Variants in CEP112 observed in about 807,000 individuals in gnomAD.
The protein encoded by CEP112 is centrosomal protein of 112 kDa.
CEP112 carries 127 observed loss-of-function variants against 153.0 expected under a neutral mutation model. The ratio of observed to expected loss-of-function variants is 0.83; its 90% CI spans 0.72 to 0.96. The LOEUF (loss-of-function observed/expected upper bound fraction) is 0.96, where lower values mean the gene tolerates loss of function less well. Among genes scored for constraint, CEP112 ranks in the 40% least tolerant of loss-of-function variants. The pLI is 0.00. For missense variants in CEP112, 1,089 were observed against 1,101.2 expected (o/e 0.99, Z 0.16); for synonymous variants, 358 against 374.4 (o/e 0.96, Z 0.51).
At chr17:66,162,521 T>C (rs978044944) in intron 4 of CEP112, among the ~76,000 whole-genome samples, 3 of 152,162 alleles carry the variant, frequency 2.0e-5, no homozygotes, top group African/African-American at 7.2e-5. Context: ...ACTTGTAATG[T>C]CAAAAACCAA....
Position 65,916,551 on chromosome 17 carries a change from T to C in CEP112, c.1980+11031A>G, listed in dbSNP as rs1018234208. 1.8e-4 allele frequency among the ~76,000 whole-genome samples: 28 copies of C among 152,044 alleles called. 1 individual carries two copies. Among genetic ancestry groups the C allele is most frequent in the Admixed American group, 1.7e-3 (26 of 15,264 alleles). On this transcript the variant is annotated intron_variant, in intron 19 of 26. Coordinates refer to ENST00000535342, the MANE Select transcript of CEP112 (RefSeq NM_001199165.4). ...AGGAAAACAGCTTCTTTTTTTTTTTTTGAAATGGGTGGGTGGGGTCTTGCT... is the reference window on the plus strand; with the variant it reads ...AGGAAAACAGCTTCTTTTTTTTTTTCTGAAATGGGTGGGTGGGGTCTTGCT...
chr17:65,660,177 C>CTCCT (rs71158401), intron 24 of CEP112, among the ~76,000 whole-genome samples: 11,867 of 139,362 alleles, frequency 0.085, 803 homozygotes, highest in African/African-American at 0.18. Context: ...ACCTTGATTT[C>CTCCT]TCCTTCCTTC....
chr17:65,700,494 T>C (rs991776760), intron 23 of CEP112, among the ~76,000 whole-genome samples: 1 of 152,074 alleles, frequency 6.6e-6, no homozygotes, highest in African/African-American at 2.4e-5. Flanking sequence ...AGAGTGGTCC[T>C]GGGGAGTGAA....
intron 17 of CEP112, among the ~76,000 whole-genome samples, chr17:65,970,362 T>TATTACATGCACACATCATGCATATAA (rs2062647756): frequency 7.4e-6 from 1 of 134,956 alleles, no homozygotes; most frequent in Admixed American, 7.2e-5. Context: ...TATGTGCCTA[T>TATTACATGCACACATCATGCATATAA]ATTACATGCA....
rs575306268 is a variant in CEP112, at chr17:66,053,877, A to C, written c.1077T>G (p.Leu359=). ...GTTCCATTTCTGCTACAGCATTGTG[A>C]AGCTACATCAGGAAATCAAGAGTTG... ...ESLNNDWEKK[L]HNAVAEMEQE... The change falls in exon 12 of 27, where the codon CTT becomes CTG. Residue 359 remains leucine, a splice_region_variant and synonymous_variant. Transcript: ENST00000535342. The C allele has an allele frequency of 5.6e-6, 9 of 1,610,426 alleles. No individual in the cohort carries two copies. The highest frequency in any genetic ancestry group is 7.6e-6 in the Non-Finnish European group (9 of 1,178,088).
intron 20 of CEP112, among the ~76,000 whole-genome samples, chr17:65,858,483 C>T (rs182484783): frequency 2.7e-4 from 41 of 152,036 alleles, no homozygotes; most frequent in Admixed American, 5.9e-4. Context: ...TGGCATAATG[C>T]TTTTTTAATA....
At chr17:66,057,218 A>G (rs1159316848) in intron 11 of CEP112, among the ~76,000 whole-genome samples, 1 of 152,216 alleles carries the variant, frequency 6.6e-6, no homozygotes, top group African/African-American at 2.4e-5. Context: ...TCTAGGCAAG[A>G]GACAGGGGTC....
chr17:65,938,997 A>T (rs2061432802), intron 18 of CEP112, among the ~76,000 whole-genome samples: 1 of 151,978 alleles, frequency 6.6e-6, no homozygotes, highest in Non-Finnish European at 1.5e-5. Context: ...TTTTTTGTAG[A>T]GATGGGGTTT....
intron 24 of CEP112, among the ~76,000 whole-genome samples, chr17:65,655,642 T>C (rs2046027175): frequency 6.6e-6 from 1 of 152,326 alleles, no homozygotes; most frequent in Admixed American, 6.5e-5. Flanking sequence ...TTTCTTTTGT[T>C]ATATAAACTG....
chr17:66,096,231 C>T lies in CEP112; in HGVS notation c.768+20G>A. On this transcript the variant is annotated intron_variant, in intron 8 of 26. Transcript: ENST00000535342. ...AAAACTGTATTATCAATGGGTTTATCAGCAATATCTCATTCCTACCTCTTT... is the reference window on the plus strand; with the variant it reads ...AAAACTGTATTATCAATGGGTTTATTAGCAATATCTCATTCCTACCTCTTT... 5 of 1,541,486 alleles carry T rather than the reference C, an allele frequency of 3.2e-6. No individual in the cohort carries two copies. The highest frequency in any genetic ancestry group is 4.5e-6 in the Non-Finnish European group (5 of 1,119,830).
At chr17:66,140,196 A>G (rs1477320927) in intron 4 of CEP112, among the ~76,000 whole-genome samples, 1 of 152,232 alleles carries the variant, frequency 6.6e-6, no homozygotes, top group East Asian at 1.9e-4. Context: ...ATTTGGATCG[A>G]TGCAGAAAGA....
At chr17:66,000,646 A>T (rs2063998896) in intron 17 of CEP112, among the ~76,000 whole-genome samples, 1 of 152,084 alleles carries the variant, frequency 6.6e-6, no homozygotes, top group Non-Finnish European at 1.5e-5. Context: ...GCCCACTCTC[A>T]CCGTGGTGCT....
At chr17:66,124,658 G>A (rs2069759607) in intron 6 of CEP112, among the ~76,000 whole-genome samples, 1 of 152,206 alleles carries the variant, frequency 6.6e-6, no homozygotes, top group African/African-American at 2.4e-5. Flanking sequence ...ATCCATGCCT[G>A]CTACACAATC....
At chr17:65,741,017 G>T (rs931790566) in intron 23 of CEP112, among the ~76,000 whole-genome samples, 1 of 152,132 alleles carries the variant, frequency 6.6e-6, no homozygotes, top group African/African-American at 2.4e-5. Context: ...AATAGTTGAG[G>T]CTCTCAAGTA....
intron 19 of CEP112, chr17:65,913,532 A>G: frequency 1.0e-6 from 1 of 985,388 alleles, no homozygotes; most frequent in Non-Finnish European, 1.2e-6. Flanking sequence ...AGAATGTGTC[A>G]TTTGGGGATG....
chr17:65,755,265 C>T (rs1253799704), intron 21 of CEP112, among the ~76,000 whole-genome samples: 1 of 152,090 alleles, frequency 6.6e-6, no homozygotes, highest in Non-Finnish European at 1.5e-5. Flanking sequence ...GGGAAACATG[C>T]ATATCTTCAC....
At chr17:66,004,608 A>T (rs2064195702) in intron 17 of CEP112, among the ~76,000 whole-genome samples, 1 of 152,216 alleles carries the variant, frequency 6.6e-6, no homozygotes, top group South Asian at 2.1e-4. Context: ...TAAACAAATA[A>T]GTCCCTCTGT....
chr17:65,868,075 ATT>A (rs1290751492), intron 20 of CEP112, among the ~76,000 whole-genome samples: 1 of 151,990 alleles, frequency 6.6e-6, no homozygotes, highest in Non-Finnish European at 1.5e-5. Flanking sequence ...AAGAAGAGAT[ATT>A]CTTTCTGTTA....
At chr17:66,133,762 T>C (rs2070307955) in intron 4 of CEP112, among the ~76,000 whole-genome samples, 1 of 151,982 alleles carries the variant, frequency 6.6e-6, no homozygotes, top group Admixed American at 6.6e-5. Context: ...CATATTAGGA[T>C]TTCCTTCACA....
Sources: gnomAD v4.1 joint callset for allele counts (sites outside exome capture counted in the v4.1 genomes callset) on GRCh38, gnomAD v4.1.1 for gene constraint, MANE v1.5 for transcripts, NCBI Gene and HGNC (gene_info 2026-07-23, HGNC 2026-07-21) for gene names.